CDC42SE2: variants seen among roughly 807,000 people sequenced by gnomAD.
The protein encoded by CDC42SE2 is CDC42 small effector 2, also known as CDC42 small effector protein 2.
In CDC42SE2, 3 loss-of-function variants were observed where a neutral mutation model predicts 11.5. That is an observed-to-expected ratio of 0.26 (90% confidence interval 0.12 to 0.67). The LOEUF is 0.67. Among genes scored for constraint, CDC42SE2 ranks in the 30% least tolerant of loss-of-function variants. CDC42SE2 has a pLI of 0.80. For missense variants in CDC42SE2, 82 were observed against 106.8 expected, an observed-to-expected ratio of 0.77 and a Z score of 1.02; for synonymous variants, 33 against 34.8, an observed-to-expected ratio of 0.95 and a Z score of 0.18.
intron 1 of CDC42SE2, among the ~76,000 whole-genome samples, chr5:131,250,265 G>C (rs1440704653): frequency 6.6e-6 from 1 of 152,078 alleles, no homozygotes; most frequent in Admixed American, 6.6e-5. Context: ...ATAATCTGTG[G>C]TACATTTCAA....
intron 1 of CDC42SE2, among the ~76,000 whole-genome samples, chr5:131,253,747 A>G (rs533329879): frequency 3.2e-4 from 49 of 152,320 alleles, no homozygotes; most frequent in African/African-American, 1.2e-3. Context: ...CCTGGGCAAC[A>G]AGAGTGAAAC....
At chr5:131,214,350 G>C in the CDC42SE2 span, among the ~76,000 whole-genome samples, 1 of 151,928 alleles carries the variant, frequency 6.6e-6, no homozygotes, top group East Asian at 1.9e-4. Flanking sequence ...ATTCCAGCCT[G>C]GGCAACACAG....
At position 131,312,624 on chromosome 5, in the gene CDC42SE2, G is replaced by A. The variant is rs955162608; in HGVS notation, c.-454-3352G>A. Reference sequence around the variant, plus strand: ...GGGCGTAGGACCCTCCGAGCCAGGCGCGGGATATAATCTCGTGGTGCGCTG... The same window carrying A: ...GGGCGTAGGACCCTCCGAGCCAGGCACGGGATATAATCTCGTGGTGCGCTG... On this transcript the variant is annotated intron_variant, in intron 1 of 4. Transcript: ENST00000505065. Among the ~76,000 whole-genome samples, 8 of 152,342 alleles carry A rather than the reference G, an allele frequency of 5.3e-5. No homozygotes were observed. The South Asian group carries it at 6.2e-4, about 12-fold the overall frequency.
intron 1 of CDC42SE2, among the ~76,000 whole-genome samples, chr5:131,248,736 A>G (rs1479641103): frequency 6.6e-6 from 1 of 152,216 alleles, no homozygotes; most frequent in East Asian, 1.9e-4. Flanking sequence ...CTATCTAGGA[A>G]TAAATCTAAC....
intron 2 of CDC42SE2, among the ~76,000 whole-genome samples, chr5:131,323,735 T>G (rs916313107): frequency 5.9e-5 from 9 of 152,160 alleles, no homozygotes; most frequent in Admixed American, 2.0e-4. Flanking sequence ...TGTGTTTTAA[T>G]GAAAAACTCT....
chr5:131,349,810 A>G (rs1048206818), intron 2 of CDC42SE2, among the ~76,000 whole-genome samples: 4 of 152,260 alleles, frequency 2.6e-5, no homozygotes, highest in Non-Finnish European at 4.4e-5. Flanking sequence ...ATGCATATGC[A>G]GTTATTTTTA....
At chr5:131,386,102 C>T (rs1750476374) in intron 4 of CDC42SE2, among the ~76,000 whole-genome samples, 1 of 152,226 alleles carries the variant, frequency 6.6e-6, no homozygotes, top group South Asian at 2.1e-4. Context: ...CACCAGGGAC[C>T]AGTTTCGTGG....
chr5:131,306,284 G>T (rs1561578534), intron 1 of CDC42SE2, among the ~76,000 whole-genome samples: 1 of 152,062 alleles, frequency 6.6e-6, no homozygotes, highest in Non-Finnish European at 1.5e-5. Flanking sequence ...TATATCTAGG[G>T]TTCCTATCTG....
rs374599857 is a variant in CDC42SE2, at chr5:131,366,081, A to G, written c.54+6534A>G. 8.5e-5 allele frequency among the ~76,000 whole-genome samples: 13 copies of G among 152,338 alleles called. No homozygotes were observed. The South Asian group carries it at 1.2e-3, about 15-fold the overall frequency. On this transcript the variant is annotated intron_variant, in intron 3 of 4. Coordinates refer to ENST00000505065, the MANE Select transcript of CDC42SE2 (RefSeq NM_001375635.1). ...CTGATTCAAATGTTTTAACTGTACT[A>G]CTAAACCTAGAAATTCTAAAGACTA... is the stretch of plus-strand genomic sequence containing the variant.
chr5:131,370,290 AAAG>A (rs1291242357), intron 3 of CDC42SE2, among the ~76,000 whole-genome samples: 3 of 152,222 alleles, frequency 2.0e-5, no homozygotes, highest in African/African-American at 7.2e-5. Context: ...ACAAAAGAGA[AAAG>A]AAACTTATGG....
chr5:131,342,172 C>G (rs1443346429), intron 2 of CDC42SE2, among the ~76,000 whole-genome samples: 3 of 145,052 alleles, frequency 2.1e-5, no homozygotes, highest in Non-Finnish European at 3.0e-5. Context: ...CCCAGCTACT[C>G]GGGAGGCTGA....
rs1032799228 is a variant in CDC42SE2 at position 131,393,835 on chromosome 5, T to G, written c.*2744T>G. The G allele has an allele frequency of 6.2e-5, 9 of 145,424 alleles. No homozygotes were observed. Among genetic ancestry groups the G allele is most frequent in the African/African-American group, 1.0e-4 (4 of 38,800 alleles). The allele number at this position is 145,424 out of a possible 1,614,324, so 9.0% of individuals were successfully genotyped here. A position where few individuals can be genotyped will look rare whatever the true frequency, so the allele number is the denominator to read the frequency against. ...AATCGCTGTTTTTTTTTTTTTTTTT[T>G]TTTTTTTTGCTGCTCCAACGACCAG... On this transcript the variant is annotated 3_prime_UTR_variant, in exon 5 of 5. Transcript: ENST00000505065.
chr5:131,282,827 C>T (rs1427852913), intron 1 of CDC42SE2, among the ~76,000 whole-genome samples: 1 of 150,784 alleles, frequency 6.6e-6, no homozygotes, highest in African/African-American at 2.4e-5. Context: ...GACGGGGTTT[C>T]ACCATATTAG....
At chr5:131,355,955 A>G (rs1170054100) in intron 2 of CDC42SE2, among the ~76,000 whole-genome samples, 1 of 152,188 alleles carries the variant, frequency 6.6e-6, no homozygotes, top group African/African-American at 2.4e-5. Flanking sequence ...ACAGAATACT[A>G]TTGCACTTTT....
At chr5:131,312,672 C>T (rs1192305092) in intron 1 of CDC42SE2, among the ~76,000 whole-genome samples, 1 of 152,208 alleles carries the variant, frequency 6.6e-6, no homozygotes, top group South Asian at 2.1e-4. Flanking sequence ...CTCGGAAAAG[C>T]ACAGTATTTG....
intron 1 of CDC42SE2, among the ~76,000 whole-genome samples, chr5:131,312,988 T>C (rs1351085895): frequency 2.0e-5 from 3 of 151,852 alleles, no homozygotes; most frequent in Non-Finnish European, 4.4e-5. Flanking sequence ...TCTTTTCTTT[T>C]CTTTTTTTTT....
chr5:131,210,905 C>T, the CDC42SE2 span, among the ~76,000 whole-genome samples: 1 of 152,182 alleles, frequency 6.6e-6, no homozygotes, highest in African/African-American at 2.4e-5. Context: ...GAGGCGGGAT[C>T]TCAGCTCACT....
intron 1 of CDC42SE2, among the ~76,000 whole-genome samples, chr5:131,292,263 AAAG>A (rs1013403031): frequency 3.3e-5 from 5 of 149,412 alleles, no homozygotes; most frequent in Non-Finnish European, 7.4e-5. Flanking sequence ...AAAAAAAAAA[AAAG>A]ATAATAATAA....
chr5:131,278,711 T>TCTCCCCTCCC, intron 1 of CDC42SE2, among the ~76,000 whole-genome samples: 1 of 36,458 alleles, frequency 2.7e-5, no homozygotes, highest in South Asian at 1.5e-3. Context: ...TTTCCTTTCC[T>TCTCCCCTCCC]CTCCCCTCCC....
Sources: allele counts gnomAD v4.1 joint callset (sites outside exome capture counted in the v4.1 genomes callset), GRCh38; gene constraint gnomAD v4.1.1; transcripts MANE v1.5; gene names NCBI Gene and HGNC (gene_info 2026-07-23, HGNC 2026-07-21).